Variants in CELF2 observed in about 807,000 individuals in gnomAD.
The protein encoded by CELF2 is CUG triplet repeat RNA-binding protein 2.
Under a neutral mutation model 62.6 loss-of-function variants are expected in CELF2, and 8 were observed. The ratio of observed to expected loss-of-function variants is 0.13; its 90% CI spans 0.07 to 0.23. CELF2 has a LOEUF of 0.23. Among genes scored for constraint, CELF2 ranks in the 10% least tolerant of loss-of-function variants. The probability of loss-of-function intolerance (pLI) is 1.00; values close to 1 mark genes in which losing one functional copy is unlikely to be tolerated. For missense variants in CELF2, 333 were observed against 671.0 expected (o/e 0.50, Z 5.56); for synonymous variants, 258 against 250.0 (o/e 1.03, Z -0.30).
At chr10:11,019,200 TA>T (rs997755192) in intron 1 of CELF2, among the ~76,000 whole-genome samples, 8 of 152,136 alleles carry the variant, frequency 5.3e-5, no homozygotes, top group Admixed American at 5.2e-4. Flanking sequence ...AAAGGAAACC[TA>T]AAAAGAGAGA....
chr10:10,855,645 G>A (rs1441809536), intron 1 of CELF2, among the ~76,000 whole-genome samples: 2 of 152,196 alleles, frequency 1.3e-5, no homozygotes, highest in Non-Finnish European at 2.9e-5. Flanking sequence ...CAACAGAAAA[G>A]AGGAGGATCA....
At chr10:11,205,844 GC>G (rs1425623203) in intron 2 of CELF2, among the ~76,000 whole-genome samples, 7 of 152,244 alleles carry the variant, frequency 4.6e-5, no homozygotes, top group African/African-American at 1.4e-4. Context: ...AGTTATAACG[GC>G]CATAAATATT....
At chr10:10,966,788 G>A (rs1291896) in intron 2 of CELF2, 19,400 of 152,196 alleles carry the variant, frequency 0.13, 4,123 homozygotes, top group African/African-American at 0.44. Flanking sequence ...CTGTATCCCC[G>A]TGCCCCGGAG....
At chr10:10,772,129 A>T in the CELF2 span, among the ~76,000 whole-genome samples, 1 of 152,314 alleles carries the variant, frequency 6.6e-6, no homozygotes, top group East Asian at 1.9e-4. Context: ...TAGATTGTAA[A>T]ATGTACCTTA....
intron 1 of CELF2, among the ~76,000 whole-genome samples, chr10:11,090,590 T>C (rs2048046048): frequency 6.6e-6 from 1 of 152,178 alleles, no homozygotes; most frequent in Non-Finnish European, 1.5e-5. Context: ...AATTATAGCA[T>C]TATATATAAT....
At chr10:11,044,288 C>CT (rs2062410231) in intron 1 of CELF2, among the ~76,000 whole-genome samples, 1 of 152,190 alleles carries the variant, frequency 6.6e-6, no homozygotes, top group Non-Finnish European at 1.5e-5. Flanking sequence ...GGGGCTTGGT[C>CT]TCTTGAGCTT....
At position 11,049,588 on chromosome 10, in the gene CELF2, A is replaced by AT. The variant is rs1258795117; in HGVS notation, c.74+31433dup. On this transcript the variant is annotated intron_variant, in intron 1 of 12. Transcript: ENST00000633077. Reference sequence around the variant, plus strand: ...AAAAAAAAAAAAAAAAAAAATACTAATTTTTTTTCTCAAAATGTTATTTTG... The same window carrying AT: ...AAAAAAAAAAAAAAAAAAAATACTAATTTTTTTTTCTCAAAATGTTATTTTG... 3.8e-4 allele frequency among the ~76,000 whole-genome samples: 54 copies of AT among 140,820 alleles called. 1 individual carries two copies. The East Asian group carries it at 9.6e-3, about 25-fold the overall frequency. 92.4% of individuals were successfully genotyped at this position (140,820 alleles called of 152,430 possible). A position where few individuals can be genotyped will look rare whatever the true frequency, so the allele number is the denominator to read the frequency against.
chr10:11,001,628 A>C (rs2054525398), upstream of CELF2, among the ~76,000 whole-genome samples: 1 of 152,210 alleles, frequency 6.6e-6, no homozygotes, highest in South Asian at 2.1e-4. Context: ...CTCACTGCCA[A>C]TATTCTCACA....
At chr10:10,702,901 C>T in the CELF2 span, among the ~76,000 whole-genome samples, 1 of 152,190 alleles carries the variant, frequency 6.6e-6, no homozygotes, top group African/African-American at 2.4e-5. Context: ...AAAAATATAA[C>T]AATTTTATTT....
intron 1 of CELF2, among the ~76,000 whole-genome samples, chr10:11,072,217 T>G (rs541385313): frequency 2.6e-5 from 4 of 152,350 alleles, no homozygotes; most frequent in African/African-American, 7.2e-5. Flanking sequence ...GACACTAATT[T>G]GAGAGAATTA....
chr10:10,779,870 A>C, the CELF2 span, among the ~76,000 whole-genome samples: 1 of 152,110 alleles, frequency 6.6e-6, no homozygotes, highest in Non-Finnish European at 1.5e-5. Context: ...AAAAAAAAAA[A>C]ACTTTAAACT....
At chr10:10,689,560 A>G in the CELF2 span, among the ~76,000 whole-genome samples, 2 of 152,332 alleles carry the variant, frequency 1.3e-5, no homozygotes, top group East Asian at 1.9e-4. Flanking sequence ...TCATAGCACT[A>G]TGAAATACTT....
chr10:10,732,511 C>T, the CELF2 span, among the ~76,000 whole-genome samples: 1 of 148,458 alleles, frequency 6.7e-6, no homozygotes, highest in Non-Finnish European at 1.5e-5. Context: ...TTACTTTGGA[C>T]TCACTCTCCT....
In CELF2 at chr10:10,988,583, A is replaced by G. The variant is rs555308885; in HGVS notation, c.89+68584A>G. Among the ~76,000 whole-genome samples the G allele has an allele frequency of 5.9e-5, 9 of 152,190 alleles. No individual in the cohort carries two copies. In the South Asian group the frequency reaches 1.9e-3, roughly 32 times the overall value. ...TACAGTGTAGACTGCTTGGATAATG[A>G]GTGCACTCAAATCTCAGAAATCATC... On this transcript the variant is annotated intron_variant, in intron 2 of 13. Transcript: ENST00000636488.
the CELF2 span, among the ~76,000 whole-genome samples, chr10:10,485,450 C>A: frequency 6.6e-6 from 1 of 152,162 alleles, no homozygotes; most frequent in African/African-American, 2.4e-5. Flanking sequence ...CTTTTCATCT[C>A]AAACAAGTCT....
intron 1 of CELF2, among the ~76,000 whole-genome samples, chr10:11,146,125 G>T (rs1176867435): frequency 6.6e-6 from 1 of 152,134 alleles, no homozygotes; most frequent in African/African-American, 2.4e-5. Context: ...TCAGGAGCTG[G>T]GATCTGAACT....
At chr10:11,282,334 C>T (rs72775861) in intron 8 of CELF2, among the ~76,000 whole-genome samples, 2,836 of 152,266 alleles carry the variant, frequency 0.019, 39 homozygotes, top group Non-Finnish European at 0.03. Context: ...GGACAGGCAC[C>T]CAGGGAAGGG....
At chr10:11,170,638 G>C (rs552902770) in intron 2 of CELF2, among the ~76,000 whole-genome samples, 91 of 152,226 alleles carry the variant, frequency 6.0e-4, no homozygotes, top group Admixed American at 5.2e-3. Context: ...AAGTAAGGAA[G>C]CCGGCAATGC....
At chr10:11,213,541 GA>G (rs1280410594) in intron 2 of CELF2, among the ~76,000 whole-genome samples, 1 of 152,196 alleles carries the variant, frequency 6.6e-6, no homozygotes, top group Non-Finnish European at 1.5e-5. Flanking sequence ...TCATTTCAGG[GA>G]AAATAATGAT....
Sources: allele counts gnomAD v4.1 joint callset (sites outside exome capture counted in the v4.1 genomes callset), GRCh38; gene constraint gnomAD v4.1.1; transcripts MANE v1.5; gene names NCBI Gene and HGNC (gene_info 2026-07-23, HGNC 2026-07-21).